KCNE1: variants seen among roughly 807,000 people sequenced by gnomAD.
KCNE1 encodes the protein potassium voltage-gated channel subfamily E member 1.
In KCNE1, 1 loss-of-function variant was observed where a neutral mutation model predicts 2.9. The ratio of observed to expected loss-of-function variants is 0.34; its 90% CI spans 0.12 to 1.62. The LOEUF (loss-of-function observed/expected upper bound fraction) is 1.62, where lower values mean the gene tolerates loss of function less well. Ranked by LOEUF, KCNE1 falls within the 40% of genes most tolerant of loss-of-function variation. The pLI, the probability that KCNE1 is intolerant of heterozygous loss-of-function variation, is 0.36. For missense variants in KCNE1, 45 were observed against 150.5 expected (o/e 0.30, Z 3.67); for synonymous variants, 23 against 65.4 (o/e 0.35, Z 3.13).
Position 34,450,049 on chromosome 21 carries a change from T to C in KCNE1, c.-50-365A>G, listed in dbSNP as rs1981127426. On this transcript the variant is annotated intron_variant, in intron 3 of 3. Coordinates refer to ENST00000399286, the MANE Select transcript of KCNE1 (RefSeq NM_000219.6). Reference sequence around the variant, plus strand: ...CAGTCTCCTTCTTTTTCCTCATGACTGTGCTTTTGTGGCTCACTTGCGGTG... The same window carrying C: ...CAGTCTCCTTCTTTTTCCTCATGACCGTGCTTTTGTGGCTCACTTGCGGTG... Among the ~76,000 whole-genome samples, 4 of 94,070 alleles carry C rather than the reference T, an allele frequency of 4.3e-5. 1 individual carries two copies. Among genetic ancestry groups the C allele is most frequent in the Non-Finnish European group, 9.7e-5 (4 of 41,342 alleles). 61.7% of individuals were successfully genotyped at this position (94,070 alleles called of 152,430 possible). A position where few individuals can be genotyped will look rare whatever the true frequency, so the allele number is the denominator to read the frequency against.
At chr21:34,503,280 G>A (rs1342158876) in intron 2 of KCNE1, among the ~76,000 whole-genome samples, 1 of 152,148 alleles carries the variant, frequency 6.6e-6, no homozygotes, top group Non-Finnish European at 1.5e-5. Context: ...CTTATGATAA[G>A]GGACATTACA....
In KCNE1 at chr21:34,512,043, A is replaced by G. The variant is rs1983858102; in HGVS notation, c.-393T>C. Reference sequence around the variant, plus strand: ...CGAACTCACCTAGACCCTTGCATCAAAGGACTCGGGGACTCTGCTGCAGTC... The same window carrying G: ...CGAACTCACCTAGACCCTTGCATCAGAGGACTCGGGGACTCTGCTGCAGTC... On this transcript the variant is annotated 5_prime_UTR_variant, in exon 1 of 4. Transcript: ENST00000399286. 6.6e-6 allele frequency: 1 copy of G among 152,226 alleles called. No homozygotes were observed. The highest frequency in any genetic ancestry group is 1.5e-5 in the Non-Finnish European group (1 of 68,092). The allele number at this position is 152,226 out of a possible 1,614,324, so 9.4% of individuals were successfully genotyped here.
chr21:34,502,574 C>A (rs778324702), intron 2 of KCNE1, among the ~76,000 whole-genome samples: 4 of 152,210 alleles, frequency 2.6e-5, no homozygotes, highest in Non-Finnish European at 4.4e-5. Context: ...TTGTGCCTAC[C>A]TGGATGGAGC....
chr21:34,508,485 GGC>G (rs1983638500), intron 2 of KCNE1, among the ~76,000 whole-genome samples: 1 of 152,082 alleles, frequency 6.6e-6, no homozygotes, highest in African/African-American at 2.4e-5. Context: ...TGGGATTACA[GGC>G]GCACACCATC....
rs547952991 is a variant in KCNE1 at position 34,502,613 on chromosome 21, A to G, written c.-162+8488T>C. Among the ~76,000 whole-genome samples the G allele has an allele frequency of 2.0e-5, 3 of 152,282 alleles. No individual in the cohort carries two copies. In the East Asian group the frequency reaches 5.8e-4, roughly 29 times the overall value. ...CCTTGGGCTATGATTAGGAGAGCCT[A>G]TCTCCAGCACCTGCACTCACTCACC... is the stretch of plus-strand genomic sequence containing the variant. On this transcript the variant is annotated intron_variant, in intron 2 of 3. Transcript: ENST00000399286.
chr21:34,508,165 T>C (rs1288507997), intron 2 of KCNE1, among the ~76,000 whole-genome samples: 2 of 151,386 alleles, frequency 1.3e-5, no homozygotes, highest in Non-Finnish European at 2.9e-5. Flanking sequence ...TAGCTGGGAC[T>C]ATAGGTGCAT....
At chr21:34,508,812 A>G (rs549911618) in intron 2 of KCNE1, among the ~76,000 whole-genome samples, 1 of 152,356 alleles carries the variant, frequency 6.6e-6, no homozygotes, top group South Asian at 2.1e-4. Flanking sequence ...TGTTCACCCA[A>G]GTGTTCTCAC....
At chr21:34,506,857 G>A (rs1983522184) in intron 2 of KCNE1, among the ~76,000 whole-genome samples, 1 of 152,142 alleles carries the variant, frequency 6.6e-6, no homozygotes, top group Non-Finnish European at 1.5e-5. Context: ...GGATTGAGCA[G>A]ATGTCAGGCA....
chr21:34,510,190 A>T (rs1176056162), intron 2 of KCNE1: 1 of 152,252 alleles, frequency 6.6e-6, no homozygotes, highest in African/African-American at 2.4e-5. Flanking sequence ...GCTCACCACA[A>T]CTCCAAACTC....
intron 2 of KCNE1, among the ~76,000 whole-genome samples, chr21:34,505,316 G>C (rs990380558): frequency 6.6e-6 from 1 of 152,096 alleles, no homozygotes; most frequent in African/African-American, 2.4e-5. Context: ...TGTATTTTTA[G>C]TAGAGATGGG....
chr21:34,496,573 G>T (rs902137441), intron 2 of KCNE1, among the ~76,000 whole-genome samples: 1 of 152,092 alleles, frequency 6.6e-6, no homozygotes, highest in African/African-American at 2.4e-5. Flanking sequence ...GTTTTTTGTG[G>T]CCTATCATAT....
chr21:34,500,551 A>G (rs887409475), intron 2 of KCNE1, among the ~76,000 whole-genome samples: 9 of 152,224 alleles, frequency 5.9e-5, no homozygotes, highest in African/African-American at 2.2e-4. Flanking sequence ...AGTCAAAACT[A>G]TTTTTGAAAG....
At chr21:34,507,716 T>A (rs1983584261) in intron 2 of KCNE1, among the ~76,000 whole-genome samples, 1 of 152,202 alleles carries the variant, frequency 6.6e-6, no homozygotes, top group South Asian at 2.1e-4. Flanking sequence ...CCCTGCATTA[T>A]AAGAATGGAG....
At chr21:34,511,589 G>A (rs1053189523) in intron 1 of KCNE1, among the ~76,000 whole-genome samples, 1 of 152,044 alleles carries the variant, frequency 6.6e-6, no homozygotes, top group African/African-American at 2.4e-5. Flanking sequence ...ATGCATTTCT[G>A]TCTGTTACAA....
At chr21:34,499,872 A>G (rs555371480) in intron 2 of KCNE1, among the ~76,000 whole-genome samples, 1 of 152,316 alleles carries the variant, frequency 6.6e-6, no homozygotes, top group Non-Finnish European at 1.5e-5. Context: ...TCTTAGAACA[A>G]AAGTTCATGC....
intron 2 of KCNE1, among the ~76,000 whole-genome samples, chr21:34,500,201 A>G (rs1026842222): frequency 2.0e-5 from 3 of 152,248 alleles, no homozygotes; most frequent in Admixed American, 2.0e-4. Context: ...ATATATACAC[A>G]TACATATGAT....
intron 2 of KCNE1, among the ~76,000 whole-genome samples, chr21:34,501,409 T>C (rs1983161102): frequency 6.6e-6 from 1 of 152,180 alleles, no homozygotes; most frequent in Admixed American, 6.5e-5. Context: ...CCATTGAGAA[T>C]GGAGATGGGG....
chr21:34,503,179 A>G (rs1568862814), intron 2 of KCNE1, among the ~76,000 whole-genome samples: 2 of 152,164 alleles, frequency 1.3e-5, no homozygotes, highest in Non-Finnish European at 2.9e-5. Context: ...ACCAGCTACA[A>G]ATTGAGGTTC....
intron 2 of KCNE1, among the ~76,000 whole-genome samples, chr21:34,507,475 G>A (rs959983312): frequency 1.3e-5 from 2 of 152,166 alleles, no homozygotes; most frequent in East Asian, 3.9e-4. Flanking sequence ...GCTAGGTCCC[G>A]TAAGCTCATC....
Sources: gnomAD v4.1 joint callset for allele counts (sites outside exome capture counted in the v4.1 genomes callset) on GRCh38, gnomAD v4.1.1 for gene constraint, MANE v1.5 for transcripts, NCBI Gene and HGNC (gene_info 2026-07-23, HGNC 2026-07-21) for gene names.